The following AOX1 variants were observed in gnomAD, a reference collection of about 807,000 sequenced individuals.
The protein encoded by AOX1 is aldehyde oxidase 1, also known as aldehyde oxidase.
AOX1 carries 153 observed loss-of-function variants against 169.5 expected under a neutral mutation model. The observed-to-expected ratio is 0.90, with a 90% confidence interval of 0.79 to 1.03. AOX1 has a LOEUF of 1.03. Among genes scored for constraint, AOX1 ranks in the 50% least tolerant of loss-of-function variants. The pLI is 0.00. For synonymous variants in AOX1, 562 were observed against 581.9 expected, an observed-to-expected ratio of 0.97 and a Z score of 0.49; for missense variants, 1,656 against 1,663.9, an observed-to-expected ratio of 1.00 and a Z score of 0.08.
At position 200,642,670 on chromosome 2, in the gene AOX1, C is replaced by G. The variant is rs374847145; in HGVS notation, c.2716C>G (p.Arg906Gly). 6.2e-7 allele frequency: 1 copy of G among 1,614,084 alleles called. No homozygotes were observed. The highest frequency in any genetic ancestry group is 1.1e-5 in the South Asian group (1 of 91,082). ...TTACAAGTTTCCCAATCTCCGCTGC[C>G]GGGGTTGGGCATGCAGAACCAACCT... ...NAYKFPNLRC[R>G]GWACRTNLPS... The change falls in exon 25 of 35, where the codon CGG (arginine) becomes GGG (glycine). Residue 906 changes from arginine to glycine, a missense_variant. By Grantham distance (125) the Arg-to-Gly change is moderately radical (BLOSUM62 -2). Transcript: ENST00000374700.
In AOX1 at chr2:200,668,793, A is replaced by T; in HGVS notation, c.3788A>T (p.Tyr1263Phe). Residue 1263 changes from tyrosine to phenylalanine, a missense_variant, in exon 33 of 35, where the codon TAT becomes TTT. Tyr to Phe is a conservative substitution (Grantham distance 22, BLOSUM62 3). Transcript: ENST00000374700. ...LPPSQNSNTL[Y>F]SSKGLGESGV... Reference sequence around the variant, plus strand: ...CCTTCTCAAAACTCAAATACTCTTTATTCATCTAAGGTAAGTAATGTTCTA... The same window carrying T: ...CCTTCTCAAAACTCAAATACTCTTTTTTCATCTAAGGTAAGTAATGTTCTA... 6.2e-7 allele frequency: 1 copy of T among 1,614,002 alleles called. No homozygotes were observed. The highest frequency in any genetic ancestry group is 1.1e-5 in the South Asian group (1 of 91,072).
At position 200,586,076 on chromosome 2, in the gene AOX1, G is replaced by A. The variant is rs1406110836; in HGVS notation, c.-33G>A. 1.3e-6 allele frequency: 2 copies of A among 1,548,830 alleles called. No homozygotes were observed. The highest frequency in any genetic ancestry group is 1.2e-5 in the South Asian group (1 of 83,982). ...CTACTTCCCAGAACCTCCGCCTCCC[G>A]CTCCGGGCCCTCGAACCAGCGCGGA... is the stretch of plus-strand genomic sequence containing the variant. On this transcript the variant is annotated 5_prime_UTR_variant, in exon 1 of 35. Transcript: ENST00000374700.
At chr2:200,652,882 T>C (rs779838880) in intron 26 of AOX1, among the ~76,000 whole-genome samples, 8 of 152,090 alleles carry the variant, frequency 5.3e-5, no homozygotes, top group Non-Finnish European at 8.8e-5. Flanking sequence ...CTGAGCAACA[T>C]AGTGAGGCCC....
rs1182829691 is a variant in AOX1 at position 200,650,987 on chromosome 2, A to G, written c.2861A>G (p.Asn954Ser). 1.1e-5 allele frequency: 17 copies of G among 1,614,046 alleles called. No individual in the cohort carries two copies. The highest frequency in any genetic ancestry group is 1.4e-5 in the Non-Finnish European group (17 of 1,180,016). Residue 954 changes from asparagine (N) to serine (S), a missense_variant, in exon 26 of 35, where the codon AAC (asparagine) becomes AGC (serine). Physicochemically the swap from Asn to Ser is conservative, Grantham distance 46. Transcript: ENST00000374700. Reference sequence around the variant, plus strand: ...TTTCTTTCATAGGTGCGAATCATAAACATGTACAAGGAAATTGATCAAACA... The same window carrying G: ...TTTCTTTCATAGGTGCGAATCATAAGCATGTACAAGGAAATTGATCAAACA... ...GLSPEKVRII[N>S]MYKEIDQTPY...
At chr2:200,590,418 C>T (rs1378889218) in intron 1 of AOX1, among the ~76,000 whole-genome samples, 1 of 152,116 alleles carries the variant, frequency 6.6e-6, no homozygotes, top group Admixed American at 6.5e-5. Context: ...CCAGAGTCAA[C>T]CAGAATAACT....
At chr2:200,606,426 C>T (rs1171866638) in intron 10 of AOX1, among the ~76,000 whole-genome samples, 2 of 152,154 alleles carry the variant, frequency 1.3e-5, no homozygotes, top group Admixed American at 1.3e-4. Context: ...GTGACGCCTC[C>T]AGCTTTGTTC....
chr2:200,611,135 G>T (rs933179072), intron 12 of AOX1, among the ~76,000 whole-genome samples: 1 of 152,186 alleles, frequency 6.6e-6, no homozygotes, highest in Non-Finnish European at 1.5e-5. Flanking sequence ...GATTACAGGT[G>T]TGAACCACCA....
At chr2:200,639,371 G>A (rs936050039) in intron 23 of AOX1, among the ~76,000 whole-genome samples, 1 of 152,174 alleles carries the variant, frequency 6.6e-6, no homozygotes, top group African/African-American at 2.4e-5. Flanking sequence ...GATGTCATTG[G>A]CGAGACCTCT....
rs1437940323 is a variant in AOX1, at chr2:200,597,498, C to T, written c.302C>T (p.Pro101Leu). ...GIGSTHTRIH[P>L]VQERIAKCHG... is the part of the protein sequence containing the mutation. Reference sequence around the variant, plus strand: ...GGAAGCACCCACACCAGAATTCATCCTGTTCAGGTGAGGATGTGCCTCTTC... The same window carrying T: ...GGAAGCACCCACACCAGAATTCATCTTGTTCAGGTGAGGATGTGCCTCTTC... The change falls in exon 4 of 35, where the codon CCT becomes CTT. Residue 101 changes from proline to leucine, a missense_variant. Coordinates refer to ENST00000374700, the MANE Select transcript of AOX1 (RefSeq NM_001159.4). 2 of 1,607,414 alleles carry T rather than the reference C, an allele frequency of 1.2e-6. No homozygotes were observed. Among genetic ancestry groups the T allele is most frequent in the African/African-American group, 1.3e-5 (1 of 74,828 alleles).
Position 200,611,362 on chromosome 2 carries a change from A to C in AOX1, c.1154-22A>C, listed in dbSNP as rs373615323. ...TTAACAGACCAAACAGATCCCAGGG[A>C]AAGTGTCATTTCTTTCCACAGAAGG... On this transcript the variant is annotated intron_variant, in intron 12 of 34. Coordinates refer to ENST00000374700, the MANE Select transcript of AOX1 (RefSeq NM_001159.4). The C allele has an allele frequency of 7.2e-6, 11 of 1,533,770 alleles. No homozygotes were observed. In the African/African-American group the frequency reaches 1.5e-4, roughly 21 times the overall value.
In AOX1 at chr2:200,628,327, A is replaced by G. The variant is rs979862229; in HGVS notation, c.2221+878A>G. ...TAAACATAGTTATCAAAATCAGAATATTAACACATATTCTATTAATCTACA... is the reference window on the plus strand; with the variant it reads ...TAAACATAGTTATCAAAATCAGAATGTTAACACATATTCTATTAATCTACA... On this transcript the variant is annotated intron_variant, in intron 20 of 34. Coordinates refer to ENST00000374700, the MANE Select transcript of AOX1 (RefSeq NM_001159.4). Among the ~76,000 whole-genome samples the G allele has an allele frequency of 1.2e-4, 18 of 152,186 alleles. No individual in the cohort carries two copies. The East Asian group carries it at 3.3e-3, about 28-fold the overall frequency.
At chr2:200,641,456 A>G (rs768008874) in intron 24 of AOX1, among the ~76,000 whole-genome samples, 4 of 152,176 alleles carry the variant, frequency 2.6e-5, no homozygotes, top group African/African-American at 7.2e-5. Flanking sequence ...TTTTGGCCCT[A>G]TTGACATTTT....
intron 1 of AOX1, among the ~76,000 whole-genome samples, chr2:200,592,504 T>C (rs899125412): frequency 1.3e-5 from 2 of 151,880 alleles, no homozygotes; most frequent in African/African-American, 4.8e-5. Flanking sequence ...TCTTGACATT[T>C]TGATGTCATC....
chr2:200,631,164 A>G (rs895018291), intron 20 of AOX1, among the ~76,000 whole-genome samples: 11 of 152,218 alleles, frequency 7.2e-5, no homozygotes, highest in African/African-American at 2.7e-4. Flanking sequence ...AACTCTATCT[A>G]ATCCCGGTGT....
chr2:200,666,623 C>T (rs1640468143), intron 31 of AOX1, 64 bp from the exon 32 acceptor site: 2 of 1,254,328 alleles, frequency 1.6e-6, no homozygotes, highest in African/African-American at 3.0e-5. Context: ...GGAAGTGTTC[C>T]TCAGCTTCTT....
intron 13 of AOX1, among the ~76,000 whole-genome samples, chr2:200,612,201 G>A (rs2034654745): frequency 6.6e-6 from 1 of 152,196 alleles, no homozygotes; most frequent in South Asian, 2.1e-4. Flanking sequence ...CTTTGCATGA[G>A]ATAGAGTCAG....
chr2:200,634,617 A>G (rs1460766234), intron 20 of AOX1, among the ~76,000 whole-genome samples, 174 bp from the exon 21 acceptor site: 2 of 152,138 alleles, frequency 1.3e-5, no homozygotes, highest in Non-Finnish European at 2.9e-5. Context: ...CTCCTATAGA[A>G]CTTTACTTCA....
chr2:200,674,593 T>G (rs558131661), downstream of AOX1, among the ~76,000 whole-genome samples: 3 of 152,328 alleles, frequency 2.0e-5, no homozygotes, highest in Non-Finnish European at 4.4e-5. Context: ...GAGATGGCCA[T>G]GTGACATTAG....
chr2:200,659,337 G>A (rs2035764237), intron 28 of AOX1, 44 bp downstream of exon 28: 1 of 1,588,254 alleles, frequency 6.3e-7, no homozygotes, highest in Admixed American at 1.7e-5. Context: ...ACTCCCTCAG[G>A]GCCAAATACG....
Sources: gnomAD v4.1 joint callset for allele counts (sites outside exome capture counted in the v4.1 genomes callset) on GRCh38, gnomAD v4.1.1 for gene constraint, MANE v1.5 for transcripts, NCBI Gene and HGNC (gene_info 2026-07-23, HGNC 2026-07-21) for gene names.